The following AP2B1 variants were observed in gnomAD, a reference collection of about 807,000 sequenced individuals.
AP2B1 encodes the protein AP-2 complex subunit beta.
Under a neutral mutation model 102.0 loss-of-function variants are expected in AP2B1, and 23 were observed. The ratio of observed to expected loss-of-function variants is 0.23; its 90% CI spans 0.16 to 0.32. The LOEUF is 0.32. AP2B1 is among the 10% of genes least tolerant of loss of function. AP2B1 has a pLI of 1.00. For synonymous variants in AP2B1, 381 were observed against 421.2 expected (o/e 0.90, Z 1.17); for missense variants, 541 against 1,157.4 (o/e 0.47, Z 7.73).
At chr17:35,674,112 T>TA in intron 16 of AP2B1, 64 bp from the exon 17 acceptor site, 2 of 1,497,824 alleles carry the variant, frequency 1.3e-6, no homozygotes, top group Non-Finnish European at 1.8e-6. Context: ...TTTTATTTGT[T>TA]AAAAAATGCA....
chr17:35,601,038 G>A (rs778717042), intron 3 of AP2B1: 2 of 982,910 alleles, frequency 2.0e-6, no homozygotes, highest in Non-Finnish European at 2.4e-6. Flanking sequence ...ATCTATCTAA[G>A]GAGTTGGCAA....
At chr17:35,710,701 G>A (rs1423535515) in intron 20 of AP2B1, among the ~76,000 whole-genome samples, 2 of 152,182 alleles carry the variant, frequency 1.3e-5, no homozygotes, top group Non-Finnish European at 2.9e-5. Context: ...TGGTGTTGGA[G>A]GAAGGTTAAC....
At chr17:35,589,891 T>G (rs2142268339) in intron 1 of AP2B1, among the ~76,000 whole-genome samples, 1 of 152,126 alleles carries the variant, frequency 6.6e-6, no homozygotes, top group South Asian at 2.1e-4. Flanking sequence ...TTTTTTTTCT[T>G]TAGCTCTATT....
At chr17:35,642,065 A>C in intron 12 of AP2B1, 90 bp downstream of exon 12, 2 of 956,300 alleles carry the variant, frequency 2.1e-6, no homozygotes, top group Non-Finnish European at 3.2e-6. Flanking sequence ...TCATTTGGGG[A>C]AGCTTTATTT....
At chr17:35,647,210 G>A (rs1035608809) in intron 12 of AP2B1, among the ~76,000 whole-genome samples, 2 of 152,162 alleles carry the variant, frequency 1.3e-5, no homozygotes, top group African/African-American at 4.8e-5. Context: ...AAAAAATGTG[G>A]GAGAGAGGAG....
chr17:35,671,045 T>A, intron 15 of AP2B1, 147 bp downstream of exon 15: 2 of 765,228 alleles, frequency 2.6e-6, no homozygotes, highest in Non-Finnish European at 4.3e-6. Flanking sequence ...TAGAAAGTAG[T>A]ATAGGGTTAC....
chr17:35,671,473 A>G (rs1460776968), intron 15 of AP2B1, among the ~76,000 whole-genome samples: 1 of 152,216 alleles, frequency 6.6e-6, no homozygotes, highest in Admixed American at 6.5e-5. Flanking sequence ...CATGGAAGCT[A>G]AAATTGGAAA....
intron 3 of AP2B1, among the ~76,000 whole-genome samples, chr17:35,604,714 T>C (rs2073609143): frequency 6.6e-6 from 1 of 152,064 alleles, no homozygotes; most frequent in Admixed American, 6.6e-5. Flanking sequence ...GCAAAGATGG[T>C]GCCACTGAAC....
intron 3 of AP2B1, among the ~76,000 whole-genome samples, chr17:35,599,976 A>G (rs2073423092): frequency 2.0e-5 from 3 of 152,226 alleles, no homozygotes; most frequent in Admixed American, 2.0e-4. Context: ...TCAAGTACAA[A>G]AAGTTTATCG....
At chr17:35,681,075 A>C (rs1296619454) in intron 17 of AP2B1, among the ~76,000 whole-genome samples, 1 of 152,168 alleles carries the variant, frequency 6.6e-6, no homozygotes, top group African/African-American at 2.4e-5. Flanking sequence ...TTAACTTCAG[A>C]TTCAGACTGA....
chr17:35,711,476 C>T (rs948174443), intron 20 of AP2B1, among the ~76,000 whole-genome samples: 1 of 148,598 alleles, frequency 6.7e-6, no homozygotes, highest in Non-Finnish European at 1.5e-5. Context: ...CCCCACCCCA[C>T]TCCCCGGCCC....
chr17:35,641,149 G>A (rs1411058498), intron 11 of AP2B1, among the ~76,000 whole-genome samples: 1 of 152,206 alleles, frequency 6.6e-6, no homozygotes, highest in Non-Finnish European at 1.5e-5. Context: ...TAATTCTACT[G>A]TCTTGGCTCT....
At chr17:35,635,792 A>G (rs2074591934) in intron 9 of AP2B1, among the ~76,000 whole-genome samples, 1 of 151,924 alleles carries the variant, frequency 6.6e-6, no homozygotes, top group African/African-American at 2.4e-5. Flanking sequence ...CACCTCCCAG[A>G]TGCAAGCAAT....
At chr17:35,609,635 C>T (rs1252491731) in intron 5 of AP2B1, among the ~76,000 whole-genome samples, 3 of 152,182 alleles carry the variant, frequency 2.0e-5, no homozygotes, top group African/African-American at 7.2e-5. Context: ...GTGTGAGCCA[C>T]CGCACCCAGC....
intron 12 of AP2B1, among the ~76,000 whole-genome samples, chr17:35,648,076 T>C (rs554421510): frequency 3.2e-4 from 49 of 152,192 alleles, no homozygotes; most frequent in Non-Finnish European, 5.1e-4. Context: ...GTTTGAAATA[T>C]AGAAATTGAA....
intron 18 of AP2B1, among the ~76,000 whole-genome samples, chr17:35,703,264 CAAAA>C (rs57503007): frequency 2.0e-5 from 2 of 101,930 alleles, no homozygotes; most frequent in Non-Finnish European, 1.9e-5. Context: ...GACTCCATCT[CAAAA>C]AAAAAAAAAA....
intron 5 of AP2B1, among the ~76,000 whole-genome samples, chr17:35,619,992 G>A (rs1489669103): frequency 6.6e-6 from 1 of 152,022 alleles, no homozygotes; most frequent in Non-Finnish European, 1.5e-5. Context: ...CACCATGTTG[G>A]CCAGGCTGAT....
At chr17:35,594,706 A>G (rs1353413195) in intron 2 of AP2B1, among the ~76,000 whole-genome samples, 1 of 152,208 alleles carries the variant, frequency 6.6e-6, no homozygotes, top group Non-Finnish European at 1.5e-5. Flanking sequence ...CTCTAGAGCC[A>G]TCTATGGTTT....
rs1555592408 is a variant in AP2B1 at position 35,720,546 on chromosome 17, TA to T, written c.2782-3078del. ...TTGTCCCATATATTTTTATTTTATT[TA>T]TATATATATATATATATATATATAT... On this transcript the variant is annotated intron_variant, in intron 21 of 21. Coordinates refer to ENST00000610402, the MANE Select transcript of AP2B1 (RefSeq NM_001030006.2). Among the ~76,000 whole-genome samples, 168 of 41,646 alleles carry T rather than the reference TA, an allele frequency of 4.0e-3. 2 individuals are homozygous for T. The highest frequency in any genetic ancestry group is 6.2e-3 in the South Asian group (5 of 802). 27.3% of individuals were successfully genotyped at this position (41,646 alleles called of 152,430 possible).
Sources: allele counts gnomAD v4.1 joint callset (sites outside exome capture counted in the v4.1 genomes callset), GRCh38; gene constraint gnomAD v4.1.1; transcripts MANE v1.5; gene names NCBI Gene and HGNC (gene_info 2026-07-23, HGNC 2026-07-21).